The following QTMAN variants were observed in gnomAD, a reference collection of about 807,000 sequenced individuals.
The protein encoded by QTMAN is tRNA-queuosine alpha-mannosyltransferase.
chr2:144,306,990 G>A, the QTMAN span, among the ~76,000 whole-genome samples: 2 of 151,250 alleles, frequency 1.3e-5, no homozygotes, highest in Admixed American at 6.6e-5. Flanking sequence ...TGAAACCCCC[G>A]TCTCTACTAA....
the QTMAN span, among the ~76,000 whole-genome samples, chr2:144,053,513 C>T: frequency 2.5e-4 from 38 of 152,214 alleles, no homozygotes; most frequent in African/African-American, 8.7e-4. Context: ...TTTTGTTGAA[C>T]GCTTAGAAAC....
At chr2:144,172,621 C>CA in the QTMAN span, among the ~76,000 whole-genome samples, 3,121 of 50,392 alleles carry the variant, frequency 0.062, 110 homozygotes, top group Non-Finnish European at 0.074. Flanking sequence ...AAGACTCTGT[C>CA]AAAAAAAAAA....
chr2:144,160,435 A>G, the QTMAN span, among the ~76,000 whole-genome samples: 1 of 152,172 alleles, frequency 6.6e-6, no homozygotes, highest in East Asian at 1.9e-4. Context: ...AGTTGTACAA[A>G]TAAGAAAACT....
chr2:143,993,421 G>T, the QTMAN span, among the ~76,000 whole-genome samples: 1 of 151,942 alleles, frequency 6.6e-6, no homozygotes, highest in Non-Finnish European at 1.5e-5. Flanking sequence ...AAAAAGGGGG[G>T]GGGACTTTGC....
the QTMAN span, among the ~76,000 whole-genome samples, chr2:144,062,728 A>G: frequency 6.6e-6 from 1 of 152,238 alleles, no homozygotes; most frequent in African/African-American, 2.4e-5. Context: ...TTACATTTCA[A>G]TGCAATAACT....
At chr2:144,332,212 G>A in the QTMAN span, among the ~76,000 whole-genome samples, 5 of 151,896 alleles carry the variant, frequency 3.3e-5, no homozygotes, top group Non-Finnish European at 5.9e-5. Flanking sequence ...GGTGCGGACG[G>A]CGGCGCAGGG....
chr2:144,260,126 T>C, the QTMAN span, among the ~76,000 whole-genome samples: 1 of 152,100 alleles, frequency 6.6e-6, no homozygotes, highest in African/African-American at 2.4e-5. Context: ...TTCATAATTG[T>C]TTTTTTCAAC....
the QTMAN span, among the ~76,000 whole-genome samples, chr2:144,099,330 T>C: frequency 2.0e-5 from 3 of 152,158 alleles, no homozygotes; most frequent in Non-Finnish European, 4.4e-5. Flanking sequence ...GTACTGTTTT[T>C]CTTAAAGATG....
the QTMAN span, among the ~76,000 whole-genome samples, chr2:143,951,800 T>A: frequency 6.6e-6 from 1 of 151,700 alleles, no homozygotes; most frequent in East Asian, 1.9e-4. Context: ...ACGTATTTCA[T>A]AAGACCTAGG....
chr2:144,009,972 T>C, the QTMAN span, among the ~76,000 whole-genome samples: 1 of 149,324 alleles, frequency 6.7e-6, no homozygotes, highest in African/African-American at 2.5e-5. Flanking sequence ...GCAATTGAAG[T>C]AACCTATTTG....
the QTMAN span, among the ~76,000 whole-genome samples, chr2:143,948,335 A>G: frequency 1.6e-4 from 24 of 152,306 alleles, no homozygotes; most frequent in East Asian, 4.2e-3. Context: ...AGTTTTGTCA[A>G]TGTTGAAGAA....
At chr2:144,048,814 A>G in the QTMAN span, among the ~76,000 whole-genome samples, 22 of 143,896 alleles carry the variant, frequency 1.5e-4, no homozygotes, top group Non-Finnish European at 3.1e-4. Context: ...GCGCACACAC[A>G]TGCATACACA....
chr2:144,057,483 C>T, the QTMAN span, among the ~76,000 whole-genome samples: 2 of 152,050 alleles, frequency 1.3e-5, no homozygotes, highest in South Asian at 2.1e-4. Context: ...TAAATAAATC[C>T]TCAAAAAATC....
the QTMAN span, among the ~76,000 whole-genome samples, chr2:144,042,723 C>G: frequency 6.7e-6 from 1 of 148,352 alleles, no homozygotes. Flanking sequence ...GAGACTGCAC[C>G]ACTGCACTCC....
chr2:144,260,612 T>C, the QTMAN span, among the ~76,000 whole-genome samples: 1 of 152,040 alleles, frequency 6.6e-6, no homozygotes, highest in East Asian at 1.9e-4. Flanking sequence ...ATTCAATCAG[T>C]AACTAATGCC....
chr2:144,064,784 T>C, the QTMAN span, among the ~76,000 whole-genome samples: 3 of 152,204 alleles, frequency 2.0e-5, no homozygotes, highest in Non-Finnish European at 2.9e-5. Context: ...AAAGATTCTT[T>C]TAAAATTCTA....
At chr2:144,104,305 G>A in the QTMAN span, among the ~76,000 whole-genome samples, 7 of 152,172 alleles carry the variant, frequency 4.6e-5, no homozygotes, top group South Asian at 2.1e-4. Context: ...GAAGCAGGGC[G>A]AGGCATCCCC....
the QTMAN span, among the ~76,000 whole-genome samples, chr2:144,101,379 A>G: frequency 1.1e-3 from 139 of 131,554 alleles, no homozygotes; most frequent in Middle Eastern, 3.7e-3. Context: ...TATTCAAATC[A>G]TGTCTATCTC....
chr2:144,115,798 T>C, the QTMAN span, among the ~76,000 whole-genome samples: 1 of 152,212 alleles, frequency 6.6e-6, no homozygotes, highest in African/African-American at 2.4e-5. Context: ...CCAGGATTTG[T>C]GTGTTACAAT....
Sources: gnomAD v4.1 joint callset for allele counts (sites outside exome capture counted in the v4.1 genomes callset) on GRCh38, gnomAD v4.1.1 for gene constraint, MANE v1.5 for transcripts, NCBI Gene and HGNC (gene_info 2026-07-23, HGNC 2026-07-21) for gene names.